The following CACNA1E variants were observed in gnomAD, a reference collection of about 807,000 sequenced individuals.
CACNA1E encodes calcium voltage-gated channel subunit alpha1 E, also known as voltage-dependent R-type calcium channel subunit alpha-1E.
A neutral mutation model predicts 259.2 loss-of-function variants in CACNA1E; 40 were observed. That is an observed-to-expected ratio of 0.15 (90% confidence interval 0.12 to 0.20). CACNA1E has a LOEUF of 0.20. Among genes scored for constraint, CACNA1E ranks in the 10% least tolerant of loss-of-function variants. CACNA1E has a pLI of 1.00. For synonymous variants in CACNA1E, 1,104 were observed against 1,138.5 expected, an observed-to-expected ratio of 0.97 and a Z score of 0.61; for missense variants, 1,874 against 3,040.1, an observed-to-expected ratio of 0.62 and a Z score of 9.02.
intron 1 of CACNA1E, among the ~76,000 whole-genome samples, chr1:181,383,775 G>A (rs562364303): frequency 6.6e-6 from 1 of 152,166 alleles, no homozygotes; most frequent in Non-Finnish European, 1.5e-5. Context: ...TCCCTTACGG[G>A]GTATGAACAT....
In CACNA1E at chr1:181,784,115, A is replaced by T. The variant is rs76446594; in HGVS notation, c.5470+331A>T. The stretch of plus-strand genomic sequence containing the variant: ...ATGGTTTATTTTCTCTGAAGTCTTG[A>T]GAGGCTTCTGTGGCAGAAGGTGCTG... On this transcript the variant is annotated intron_variant, in intron 40 of 47. Transcript: ENST00000367573. Among the ~76,000 whole-genome samples, 622 of 152,290 alleles carry T rather than the reference A, an allele frequency of 4.1e-3. 5 individuals carry two copies. The highest frequency in any genetic ancestry group is 0.014 in the African/African-American group (583 of 41,552).
At chr1:181,385,884 T>C (rs1021489513) in intron 1 of CACNA1E, among the ~76,000 whole-genome samples, 4 of 147,956 alleles carry the variant, frequency 2.7e-5, no homozygotes, top group Non-Finnish European at 6.0e-5. Context: ...CCTCCCTCTC[T>C]TCCTCCCTTC....
intron 7 of CACNA1E, among the ~76,000 whole-genome samples, chr1:181,707,813 T>C (rs1652941325): frequency 6.6e-6 from 1 of 152,104 alleles, no homozygotes; most frequent in African/African-American, 2.4e-5. Flanking sequence ...ACATATACTA[T>C]GTGGTAGGCC....
rs376487264 is a variant in CACNA1E, at chr1:181,763,382, A to G, written c.4690-24A>G. The stretch of plus-strand genomic sequence containing the variant: ...CTAAATCACCATAATGTTCCTAATT[A>G]TATGTTTCCTTTTGGTCCACCAGCT... On this transcript the variant is annotated intron_variant, in intron 33 of 47. Transcript: ENST00000367573. 1.1e-4 allele frequency: 174 copies of G among 1,552,862 alleles called. No homozygotes were observed. The African/African-American group carries it at 2.0e-3, about 18-fold the overall frequency.
At position 181,793,691 on chromosome 1, in the gene CACNA1E, C is replaced by A; in HGVS notation, c.5925C>A (p.Ser1975Arg). 1 of 1,610,370 alleles carries A rather than the reference C, an allele frequency of 6.2e-7. No homozygotes were observed. The highest frequency in any genetic ancestry group is 1.1e-5 in the South Asian group (1 of 90,204). Residue 1975 changes from serine to arginine, a missense_variant, in exon 45 of 48, where the codon AGC becomes AGA. By Grantham distance (110) the Ser-to-Arg change is moderately radical (BLOSUM62 -1). Around this residue, in one of 14 missense-constraint regions of CACNA1E, gnomAD observed 542 missense variants for 587.2 expected, o/e 0.92. Transcript: ENST00000367573. ...SLEPEVSELK[S>R]VQPSNHGIYL... is the part of the protein sequence containing the mutation. ...AGCCAGAGGTTAGTGAATTAAAAAG[C>A]GTGCAGCCCTCTAACCATGGCATCT...
Position 181,580,631 on chromosome 1 carries a change from G to A in CACNA1E, c.806G>A (p.Gly269Asp). 6.2e-7 allele frequency: 1 copy of A among 1,614,070 alleles called. No homozygotes were observed. Among genetic ancestry groups the A allele is most frequent in the Non-Finnish European group, 8.5e-7 (1 of 1,179,896 alleles). The change falls in exon 6 of 48, where the codon GGT becomes GAT. Residue 269 changes from glycine to aspartate, a missense_variant. Around this residue, in one of 14 missense-constraint regions of CACNA1E, gnomAD observed 28 missense variants for 64.6 expected, o/e 0.43. Transcript: ENST00000367573. The part of the protein sequence containing the change: ...LEGFDPPHPC[G>D]VQGCPAGYEC... ...GGATTTGACCCCCCTCACCCATGTG[G>A]TGTGCAGGGCTGCCCAGCTGGTTAT...
At chr1:181,733,206 C>A (rs1049810025) in intron 20 of CACNA1E, among the ~76,000 whole-genome samples, 172 bp downstream of exon 20, 1 of 152,192 alleles carries the variant, frequency 6.6e-6, no homozygotes, top group Admixed American at 6.5e-5. Flanking sequence ...TCTGTCCCCC[C>A]AAAAACGAGG....
intron 1 of CACNA1E, among the ~76,000 whole-genome samples, chr1:181,496,172 A>G (rs1000774938): frequency 1.3e-5 from 2 of 152,208 alleles, no homozygotes; most frequent in Non-Finnish European, 2.9e-5. Flanking sequence ...TGTTTCCTTT[A>G]TATGTTTCTA....
In CACNA1E at chr1:181,496,325, C is replaced by A. The variant is rs937011901; in HGVS notation, c.266+12315C>A. Among the ~76,000 whole-genome samples, 3 of 152,128 alleles carry A rather than the reference C, an allele frequency of 2.0e-5. No individual in the cohort carries two copies. The East Asian group carries it at 5.8e-4, about 29-fold the overall frequency. On this transcript the variant is annotated intron_variant, in intron 1 of 47. Coordinates refer to ENST00000367573, the MANE Select transcript of CACNA1E (RefSeq NM_001205293.3). Reference sequence around the variant, plus strand: ...ATAGGATACTTAAAATGATCTATAACCTTAACAGACTCACTTGATTTTGTC... The same window carrying A: ...ATAGGATACTTAAAATGATCTATAAACTTAACAGACTCACTTGATTTTGTC...
chr1:181,412,438 T>C (rs1010951171), intron 1 of CACNA1E, among the ~76,000 whole-genome samples: 1 of 151,978 alleles, frequency 6.6e-6, no homozygotes, highest in Non-Finnish European at 1.5e-5. Flanking sequence ...GATGTGGTGG[T>C]GTGTGCCTGT....
Position 181,804,059 on chromosome 1 carries a change from G to A in CACNA1E, c.*5225G>A, listed in dbSNP as rs1171572203. ...GATTTTATAATAAGCCATGCTACCTGTAAATACATTATTGAGGTTTGCATT... is the reference window on the plus strand; with the variant it reads ...GATTTTATAATAAGCCATGCTACCTATAAATACATTATTGAGGTTTGCATT... On this transcript the variant is annotated 3_prime_UTR_variant, in exon 48 of 48. Coordinates refer to ENST00000367573, the MANE Select transcript of CACNA1E (RefSeq NM_001205293.3). 1 of 152,200 alleles carries A rather than the reference G, an allele frequency of 6.6e-6. No individual in the cohort carries two copies. The allele number at this position is 152,200 out of a possible 1,614,324, so 9.4% of individuals were successfully genotyped here.
intron 1 of CACNA1E, among the ~76,000 whole-genome samples, chr1:181,408,756 G>A (rs1024927205): frequency 2.0e-5 from 3 of 152,210 alleles, no homozygotes; most frequent in Non-Finnish European, 4.4e-5. Context: ...AGAGAAGTAG[G>A]TAGGAAGCAA....
At chr1:181,771,985 G>A (rs1659559317) in intron 36 of CACNA1E, 81 bp from the exon 37 acceptor site, 1 of 1,328,044 alleles carries the variant, frequency 7.5e-7, no homozygotes, top group African/African-American at 1.4e-5. Flanking sequence ...GAGCGAGGAT[G>A]GGGAAATTGG....
intron 7 of CACNA1E, among the ~76,000 whole-genome samples, chr1:181,686,638 A>G (rs752307299): frequency 6.6e-6 from 1 of 152,156 alleles, no homozygotes; most frequent in African/African-American, 2.4e-5. Context: ...GGCCTTTCAC[A>G]CTGACTTGCT....
intron 1 of CACNA1E, among the ~76,000 whole-genome samples, chr1:181,486,431 G>C (rs563776665): frequency 2.6e-5 from 4 of 152,246 alleles, no homozygotes; most frequent in Admixed American, 2.6e-4. Context: ...TGACCACGTG[G>C]AAACATTGGG....
At chr1:181,620,755 C>A (rs1655650037) in intron 6 of CACNA1E, among the ~76,000 whole-genome samples, 1 of 152,158 alleles carries the variant, frequency 6.6e-6, no homozygotes, top group African/African-American at 2.4e-5. Context: ...TCATATGAGT[C>A]ATGAGAAATT....
rs764067127 is a variant in CACNA1E, at chr1:181,533,355, G to A, written c.512+21845G>A. On this transcript the variant is annotated intron_variant, in intron 3 of 47. Coordinates refer to ENST00000367573, the MANE Select transcript of CACNA1E (RefSeq NM_001205293.3). ...TATGACTATACCTATATGTTTTTCC[G>A]TCACTTCCCAACTCCACTGAGTGAA... is the stretch of plus-strand genomic sequence containing the variant. Among the ~76,000 whole-genome samples, 32 of 147,888 alleles carry A rather than the reference G, an allele frequency of 2.2e-4. 1 individual carries two copies. Among genetic ancestry groups the A allele is most frequent in the Admixed American group, 1.4e-3 (21 of 14,666 alleles).
At chr1:181,393,174 G>A (rs1464174746) in intron 1 of CACNA1E, among the ~76,000 whole-genome samples, 1 of 152,172 alleles carries the variant, frequency 6.6e-6, no homozygotes, top group Non-Finnish European at 1.5e-5. Context: ...TGCATGCTGT[G>A]GGGGAAGGCT....
chr1:181,604,715 TC>T (rs1392490760), intron 6 of CACNA1E, among the ~76,000 whole-genome samples: 19 of 152,220 alleles, frequency 1.2e-4, no homozygotes, highest in African/African-American at 4.6e-4. Context: ...TATTTTAACC[TC>T]TGACTGGATC....
Sources: allele counts gnomAD v4.1 joint callset (sites outside exome capture counted in the v4.1 genomes callset), GRCh38; gene constraint gnomAD v4.1.1; regional missense constraint gnomAD v4.1.1; transcripts MANE v1.5; gene names NCBI Gene and HGNC (gene_info 2026-07-23, HGNC 2026-07-21).